The following TAFA1 variants were observed in gnomAD, a reference collection of about 807,000 sequenced individuals.
The protein encoded by TAFA1 is chemokine-like protein TAFA-1.
A neutral mutation model predicts 18.5 loss-of-function variants in TAFA1; 4 were observed. That is an observed-to-expected ratio of 0.22 (90% CI 0.11 to 0.49). The LOEUF (loss-of-function observed/expected upper bound fraction) is 0.49, where lower values mean the gene tolerates loss of function less well. Among genes scored for constraint, TAFA1 ranks in the 20% least tolerant of loss-of-function variants. The pLI is 0.98. For synonymous variants in TAFA1, 56 were observed against 55.2 expected (o/e 1.01, Z -0.06); for missense variants, 147 against 169.0 (o/e 0.87, Z 0.72).
At chr3:68,385,584 T>A (rs1217452494) in intron 2 of TAFA1, among the ~76,000 whole-genome samples, 2 of 152,088 alleles carry the variant, frequency 1.3e-5, no homozygotes, top group Non-Finnish European at 2.9e-5. Context: ...TAAATCCGCA[T>A]GAAGCACTTA....
intron 3 of TAFA1, among the ~76,000 whole-genome samples, chr3:68,537,526 T>G (rs1449610678): frequency 6.6e-6 from 1 of 152,132 alleles, no homozygotes; most frequent in African/African-American, 2.4e-5. Context: ...AGAAAATAGC[T>G]GGTAAATATT....
the TAFA1 span, among the ~76,000 whole-genome samples, chr3:67,998,277 A>T: frequency 8.5e-5 from 13 of 152,350 alleles, no homozygotes; most frequent in South Asian, 2.7e-3. Flanking sequence ...ATTATAAAAC[A>T]TATCAAAGTC....
intron 2 of TAFA1, among the ~76,000 whole-genome samples, chr3:68,027,964 A>G (rs920744553): frequency 6.6e-6 from 1 of 152,154 alleles, no homozygotes; most frequent in African/African-American, 2.4e-5. Context: ...GTAACCTAAG[A>G]GATGGAAATC....
chr3:68,062,949 A>C (rs1166314461), intron 2 of TAFA1, among the ~76,000 whole-genome samples: 1 of 152,156 alleles, frequency 6.6e-6, no homozygotes, highest in African/African-American at 2.4e-5. Flanking sequence ...TTAAGTCTGA[A>C]CTTTATCGTC....
chr3:68,165,977 A>G (rs2065977320), intron 2 of TAFA1, among the ~76,000 whole-genome samples: 1 of 152,256 alleles, frequency 6.6e-6, no homozygotes, highest in Admixed American at 6.5e-5. Context: ...CATTCTGGCT[A>G]CAAGAGCTAG....
chr3:68,477,514 A>C (rs1217541907), intron 3 of TAFA1, among the ~76,000 whole-genome samples: 5 of 152,074 alleles, frequency 3.3e-5, no homozygotes, highest in Admixed American at 3.3e-4. Flanking sequence ...AGCGGGGATT[A>C]TAGGCATGTG....
intron 2 of TAFA1, among the ~76,000 whole-genome samples, chr3:68,411,618 C>T (rs1261006417): frequency 6.6e-6 from 1 of 152,068 alleles, no homozygotes; most frequent in Non-Finnish European, 1.5e-5. Flanking sequence ...TCACTTTTTC[C>T]TTAGCAGAAG....
rs181134088 is a variant in TAFA1, at chr3:68,048,196, A to G, written c.118+41452A>G. Among the ~76,000 whole-genome samples the G allele has an allele frequency of 1.4e-3, 213 of 152,238 alleles. 5 individuals are homozygous for G. Among genetic ancestry groups the G allele is most frequent in the Admixed American group, 0.014 (212 of 15,268 alleles). On this transcript the variant is annotated intron_variant, in intron 2 of 4. Transcript: ENST00000478136. Reference sequence around the variant, plus strand: ...GCAAATCATTAATATTAAATAATATAATATCTATGATTATAAGAATGTATT... The same window carrying G: ...GCAAATCATTAATATTAAATAATATGATATCTATGATTATAAGAATGTATT...
At chr3:68,403,794 A>G (rs1280303535) in intron 2 of TAFA1, among the ~76,000 whole-genome samples, 1 of 152,208 alleles carries the variant, frequency 6.6e-6, no homozygotes, top group East Asian at 1.9e-4. Flanking sequence ...TGGCTGCCAC[A>G]CCAGCAGGAA....
chr3:68,530,841 A>G (rs372423690), intron 3 of TAFA1, among the ~76,000 whole-genome samples: 70 of 152,234 alleles, frequency 4.6e-4, no homozygotes, highest in African/African-American at 1.3e-3. Context: ...AAGAATCTAA[A>G]TGTTTTTGTT....
At chr3:68,263,870 T>A (rs1472017045) in intron 2 of TAFA1, among the ~76,000 whole-genome samples, 2 of 152,226 alleles carry the variant, frequency 1.3e-5, no homozygotes, top group East Asian at 1.9e-4. Flanking sequence ...ACATTGATTT[T>A]GAAATTATTC....
the TAFA1 span, among the ~76,000 whole-genome samples, chr3:67,997,150 T>C: frequency 6.6e-6 from 1 of 152,196 alleles, no homozygotes; most frequent in African/African-American, 2.4e-5. Flanking sequence ...AATGTTTCAA[T>C]AGAATTCTAT....
chr3:68,011,668 T>C (rs1704474392), intron 2 of TAFA1, among the ~76,000 whole-genome samples: 1 of 152,184 alleles, frequency 6.6e-6, no homozygotes, highest in African/African-American at 2.4e-5. Flanking sequence ...TGGTCGCATA[T>C]TGGCTCTTTA....
At chr3:68,521,428 C>T (rs1472646660) in intron 3 of TAFA1, among the ~76,000 whole-genome samples, 3 of 152,174 alleles carry the variant, frequency 2.0e-5, no homozygotes. Flanking sequence ...GTGCCAGGCA[C>T]TCTGCTTGGT....
intron 2 of TAFA1, among the ~76,000 whole-genome samples, chr3:68,134,151 T>C (rs951166621): frequency 2.7e-5 from 4 of 150,040 alleles, no homozygotes; most frequent in African/African-American, 9.8e-5. Context: ...CCTTCTAGAA[T>C]GGCCTGTGCA....
chr3:68,440,561 T>C (rs572650614), intron 3 of TAFA1, among the ~76,000 whole-genome samples: 9 of 152,276 alleles, frequency 5.9e-5, no homozygotes, highest in Admixed American at 3.3e-4. Context: ...TAATGACTAG[T>C]TTCTTCTACT....
intron 3 of TAFA1, among the ~76,000 whole-genome samples, chr3:68,429,304 C>T (rs138819683): frequency 2.0e-5 from 3 of 151,962 alleles, no homozygotes; most frequent in African/African-American, 7.2e-5. Flanking sequence ...TTACTGTGTG[C>T]CAGACTCTGT....
intron 2 of TAFA1, among the ~76,000 whole-genome samples, chr3:68,014,117 C>A (rs956110729): frequency 3.9e-5 from 6 of 152,170 alleles, no homozygotes; most frequent in Admixed American, 3.9e-4. Flanking sequence ...ATTCAGAGGA[C>A]TTTTCTTATT....
At chr3:68,077,935 C>T (rs1328396216) in intron 2 of TAFA1, among the ~76,000 whole-genome samples, 1 of 152,120 alleles carries the variant, frequency 6.6e-6, no homozygotes, top group Non-Finnish European at 1.5e-5. Context: ...ATTCTTCCTA[C>T]CCATGAGCAT....
Sources: allele counts gnomAD v4.1 joint callset (sites outside exome capture counted in the v4.1 genomes callset), GRCh38; gene constraint gnomAD v4.1.1; transcripts MANE v1.5; gene names NCBI Gene and HGNC (gene_info 2026-07-23, HGNC 2026-07-21).